PDIA5: variants seen among roughly 807,000 people sequenced by gnomAD.
PDIA5 encodes the protein protein disulfide isomerase family A member 5, also known as protein disulfide-isomerase A5.
Under a neutral mutation model 77.6 loss-of-function variants are expected in PDIA5, and 58 were observed. That is an observed-to-expected ratio of 0.75 (90% CI 0.61 to 0.93). The LOEUF (loss-of-function observed/expected upper bound fraction) is 0.93, where lower values mean the gene tolerates loss of function less well. Among genes scored for constraint, PDIA5 ranks in the 40% least tolerant of loss-of-function variants. PDIA5 has a pLI of 0.00. For synonymous variants in PDIA5, 250 were observed against 252.1 expected, an observed-to-expected ratio of 0.99 and a Z score of 0.08; for missense variants, 630 against 647.7, an observed-to-expected ratio of 0.97 and a Z score of 0.30.
At chr3:123,099,972 T>C (rs1384296010) in intron 3 of PDIA5, among the ~76,000 whole-genome samples, 1 of 152,248 alleles carries the variant, frequency 6.6e-6, no homozygotes, top group Non-Finnish European at 1.5e-5. Context: ...GGAGAGGCAA[T>C]GAGCAAGCCC....
chr3:123,151,892 CCTT>C, intron 14 of PDIA5, among the ~76,000 whole-genome samples: 1 of 138,430 alleles, frequency 7.2e-6, no homozygotes, highest in Non-Finnish European at 1.6e-5. Flanking sequence ...TGCCTGCCTT[CCTT>C]CCTGCCTGCC....
chr3:123,100,156 T>C (rs938635128), intron 3 of PDIA5, among the ~76,000 whole-genome samples: 1 of 152,198 alleles, frequency 6.6e-6, no homozygotes, highest in African/African-American at 2.4e-5. Flanking sequence ...GAAGGTGCCA[T>C]GTGAGTGGTT....
At chr3:123,157,013 G>A (rs1046183899) in intron 15 of PDIA5, among the ~76,000 whole-genome samples, 1 of 152,138 alleles carries the variant, frequency 6.6e-6, no homozygotes, top group African/African-American at 2.4e-5. Context: ...GCTCCCCTCC[G>A]CTTAGACACT....
At chr3:123,126,472 T>C (rs562427121) in intron 10 of PDIA5, among the ~76,000 whole-genome samples, 15 of 152,274 alleles carry the variant, frequency 9.9e-5, no homozygotes, top group Admixed American at 3.3e-4. Flanking sequence ...TCAACTAAGA[T>C]AGGCTTATTA....
At chr3:123,160,549 G>A (rs1936135718) in intron 15 of PDIA5, among the ~76,000 whole-genome samples, 1 of 152,138 alleles carries the variant, frequency 6.6e-6, no homozygotes, top group African/African-American at 2.4e-5. Flanking sequence ...CACTCACCTG[G>A]CACCTGGACC....
intron 11 of PDIA5, among the ~76,000 whole-genome samples, chr3:123,136,078 G>A (rs940666678): frequency 2.1e-4 from 32 of 151,392 alleles, no homozygotes; most frequent in Admixed American, 1.7e-3. Flanking sequence ...CTACAGGCAC[G>A]GGCCACCACA....
At chr3:123,158,891 G>A (rs546382051) in intron 15 of PDIA5, among the ~76,000 whole-genome samples, 3 of 152,182 alleles carry the variant, frequency 2.0e-5, no homozygotes, top group Non-Finnish European at 4.4e-5. Context: ...AGCTTTATTC[G>A]CTGCCTTCTT....
At chr3:123,110,303 A>C (rs139032540) in intron 6 of PDIA5, among the ~76,000 whole-genome samples, 2 of 152,246 alleles carry the variant, frequency 1.3e-5, no homozygotes, top group East Asian at 3.9e-4. Context: ...TTACAAATCT[A>C]TTTTGCCTGT....
At chr3:123,099,059 AC>A (rs1230949950) in intron 3 of PDIA5, among the ~76,000 whole-genome samples, 1 of 97,998 alleles carries the variant, frequency 1.0e-5, no homozygotes, top group Non-Finnish European at 2.4e-5. Flanking sequence ...ATGCTTGCGC[AC>A]ACACACACAC....
intron 16 of PDIA5, 168 bp from the exon 17 acceptor site, chr3:123,161,712 G>A (rs981934862): frequency 4.6e-5 from 31 of 669,092 alleles, no homozygotes; most frequent in African/African-American, 7.3e-5. Flanking sequence ...CTTGCTGGTC[G>A]GGGCTGGTGC....
chr3:123,141,237 G>C (rs535770186), intron 11 of PDIA5, among the ~76,000 whole-genome samples: 1 of 152,252 alleles, frequency 6.6e-6, no homozygotes, highest in East Asian at 1.9e-4. Context: ...TTGACCATGG[G>C]CCCTGCCAGC....
At chr3:123,137,982 G>A (rs1935541153) in intron 11 of PDIA5, among the ~76,000 whole-genome samples, 1 of 152,158 alleles carries the variant, frequency 6.6e-6, no homozygotes, top group Non-Finnish European at 1.5e-5. Flanking sequence ...GTCTCACTCT[G>A]TCACCCAGGC....
At chr3:123,105,088 A>C (rs1392169156) in intron 5 of PDIA5, among the ~76,000 whole-genome samples, 1 of 152,156 alleles carries the variant, frequency 6.6e-6, no homozygotes, top group African/African-American at 2.4e-5. Flanking sequence ...GAGGTGGAGA[A>C]GGGGGAGGAG....
At position 123,109,484 on chromosome 3, in the gene PDIA5, T is replaced by G. The variant is rs530001574; in HGVS notation, c.481-1460T>G. On this transcript the variant is annotated intron_variant, in intron 6 of 16. Transcript: ENST00000316218. ...GGTTAAATATCTTGGTTACTAATTTTGTTTGGAAATTATTTCAAACAAAAT... is the reference window on the plus strand; with the variant it reads ...GGTTAAATATCTTGGTTACTAATTTGGTTTGGAAATTATTTCAAACAAAAT... 2.6e-5 allele frequency among the ~76,000 whole-genome samples: 4 copies of G among 152,236 alleles called. No individual in the cohort carries two copies. The East Asian group carries it at 7.7e-4, about 29-fold the overall frequency.
intron 3 of PDIA5, among the ~76,000 whole-genome samples, 160 bp from the exon 4 acceptor site, chr3:123,102,251 C>T (rs1934619937): frequency 6.6e-6 from 1 of 152,202 alleles, no homozygotes; most frequent in African/African-American, 2.4e-5. Context: ...AGTTAGTCTC[C>T]ACCCTCTAGC....
chr3:123,100,539 C>T (rs1934562924), intron 3 of PDIA5, among the ~76,000 whole-genome samples: 1 of 152,190 alleles, frequency 6.6e-6, no homozygotes, highest in African/African-American at 2.4e-5. Context: ...CATGAGTCCC[C>T]ACTGTTTGCC....
intron 15 of PDIA5, among the ~76,000 whole-genome samples, chr3:123,156,046 G>A (rs538141960): frequency 6.6e-6 from 1 of 152,280 alleles, no homozygotes; most frequent in Non-Finnish European, 1.5e-5. Flanking sequence ...GGCAGGGTTT[G>A]AAGTTTTGAT....
chr3:123,125,776 G>A (rs1211095779), intron 10 of PDIA5, among the ~76,000 whole-genome samples: 2 of 152,210 alleles, frequency 1.3e-5, no homozygotes, highest in African/African-American at 2.4e-5. Flanking sequence ...TTTGCATCAT[G>A]TCTTTTATTT....
chr3:123,075,254 T>C (rs571983927), intron 1 of PDIA5, among the ~76,000 whole-genome samples: 2 of 152,176 alleles, frequency 1.3e-5, no homozygotes, highest in Non-Finnish European at 2.9e-5. Flanking sequence ...GACGTAAAGA[T>C]GTGTTGCTTA....
Sources: allele counts gnomAD v4.1 joint callset (sites outside exome capture counted in the v4.1 genomes callset), GRCh38; gene constraint gnomAD v4.1.1; transcripts MANE v1.5; gene names NCBI Gene and HGNC (gene_info 2026-07-23, HGNC 2026-07-21).